SETD2: variants seen among roughly 807,000 people sequenced by gnomAD.
SETD2 encodes the protein histone-lysine N-methyltransferase SETD2.
Under a neutral mutation model 242.1 loss-of-function variants are expected in SETD2, and 31 were observed. That is an observed-to-expected ratio of 0.13 (90% CI 0.10 to 0.17). The LOEUF is 0.17. Ranked by LOEUF, SETD2 falls within the 10% of genes least tolerant of loss-of-function variation. The pLI is 1.00. For synonymous variants in SETD2, 1,006 were observed against 1,066.5 expected (o/e 0.94, Z 1.11); for missense variants, 2,481 against 3,046.3 (o/e 0.81, Z 4.37).
Position 47,106,129 on chromosome 3 carries a change from C to A in SETD2, c.4716-9G>T, listed in dbSNP as rs1462411936. Reference sequence around the variant, plus strand: ...CTAGGACAAAGGTGTTCCTGCAAACCAAAAGGAAAAAAATAGCACTTCCTA... The same window carrying A: ...CTAGGACAAAGGTGTTCCTGCAAACAAAAAGGAAAAAAATAGCACTTCCTA... On this transcript the variant is annotated splice_polypyrimidine_tract_variant and intron_variant, in intron 5 of 20. Coordinates refer to ENST00000409792, the MANE Select transcript of SETD2 (RefSeq NM_014159.7). 3 of 1,604,110 alleles carry A rather than the reference C, an allele frequency of 1.9e-6. No homozygotes were observed. Among genetic ancestry groups the A allele is most frequent in the South Asian group, 1.1e-5 (1 of 89,892 alleles).
chr3:47,147,917 C>CAAA (rs547475994), intron 1 of SETD2, among the ~76,000 whole-genome samples: 15 of 52,072 alleles, frequency 2.9e-4, no homozygotes, highest in Non-Finnish European at 4.4e-4. Flanking sequence ...GACTCTGTCT[C>CAAA]AAAAAAAAAA....
In SETD2 at chr3:47,121,506, T is replaced by A. The variant is rs1320811857; in HGVS notation, c.3130A>T (p.Ser1044Cys). 3.7e-6 allele frequency: 6 copies of A among 1,614,120 alleles called. No individual in the cohort carries two copies. The highest frequency in any genetic ancestry group is 5.1e-6 in the Non-Finnish European group (6 of 1,180,008). The change falls in exon 3 of 21, where the codon AGT becomes TGT. Residue 1044 changes from serine to cysteine, a missense_variant. Around this residue, in one of 17 missense-constraint regions of SETD2, gnomAD observed 1,300 missense variants for 1,259.2 expected, o/e 1.03. Coordinates refer to ENST00000409792, the MANE Select transcript of SETD2 (RefSeq NM_014159.7). The part of the protein sequence containing the change: ...VHEDYSGSSE[S>C]SNDESDSEDT... ...TCTGAATCACTTTCATCATTTGAAC[T>A]TTCAGAAGAGCCAGAATAATCTTCA...
rs959248245 is a variant in SETD2 at position 47,017,479 on chromosome 3, C to A, written c.7533+159G>T. 6.6e-6 allele frequency among the ~76,000 whole-genome samples: 1 copy of A among 152,016 alleles called. No individual in the cohort carries two copies. The highest frequency in any genetic ancestry group is 6.5e-5 in the Admixed American group (1 of 15,272). On this transcript the variant is annotated intron_variant, in intron 20 of 20. Coordinates refer to ENST00000409792, the MANE Select transcript of SETD2 (RefSeq NM_014159.7). The surrounding 1 kb of genome is among the most constrained non-coding windows in gnomAD (Gnocchi z 4.8). ...AGAACTACTGCTGTCATGTAAGGTA[C>A]GCATCCCTCCCCAAACCTTCCCTCC...
intron 17 of SETD2, among the ~76,000 whole-genome samples, chr3:47,039,809 G>A (rs1470007838): frequency 6.7e-6 from 1 of 148,364 alleles, no homozygotes; most frequent in Non-Finnish European, 1.5e-5. Flanking sequence ...CTTGAACCCT[G>A]GAGGCAGAGG....
At chr3:47,101,746 A>G (rs2042222269) in intron 7 of SETD2, among the ~76,000 whole-genome samples, 191 bp from the exon 8 acceptor site, 2 of 152,062 alleles carry the variant, frequency 1.3e-5, no homozygotes, top group African/African-American at 4.8e-5. Flanking sequence ...GAACTAAAAT[A>G]TTTAAGTGTA....
intron 1 of SETD2, among the ~76,000 whole-genome samples, chr3:47,162,189 G>A (rs989835968): frequency 2.0e-5 from 3 of 152,134 alleles, no homozygotes; most frequent in Non-Finnish European, 4.4e-5. Context: ...CCTGGTAAAA[G>A]GAAGTGAAAG....
At chr3:47,145,612 G>T in intron 1 of SETD2, 1 of 319,022 alleles carries the variant, frequency 3.1e-6, no homozygotes, top group Non-Finnish European at 6.6e-6. Context: ...TTCCCACTGT[G>T]GCATCATGTC....
intron 12 of SETD2, among the ~76,000 whole-genome samples, chr3:47,069,814 T>G (rs2040740210): frequency 6.6e-6 from 1 of 152,228 alleles, no homozygotes; most frequent in African/African-American, 2.4e-5. Context: ...TAGTTCTGTG[T>G]GTCTTACTCC....
At position 47,056,842 on chromosome 3, in the gene SETD2, C is replaced by T. The variant is rs762073578; in HGVS notation, c.6942G>A (p.Gln2314=). ...TTACCTGTACAATTGGTGGAGTTGTCTGTGAATAAGGTGATGTCACACCAT... is the reference window on the plus strand; with the variant it reads ...TTACCTGTACAATTGGTGGAGTTGTTTGTGAATAAGGTGATGTCACACCAT... ...TVYGVTSPYS[Q]TTPPIVQSYA... is the part of the protein sequence containing the mutation. The change falls in exon 15 of 21, where the codon CAG becomes CAA. Residue 2314 remains glutamine, a synonymous_variant. Transcript: ENST00000409792. 1 of 1,613,416 alleles carries T rather than the reference C, an allele frequency of 6.2e-7. No homozygotes were observed. Among genetic ancestry groups the T allele is most frequent in the Admixed American group, 1.7e-5 (1 of 60,006 alleles).
intron 12 of SETD2, among the ~76,000 whole-genome samples, chr3:47,079,179 TTA>T (rs1462344066): frequency 6.6e-6 from 1 of 152,162 alleles, no homozygotes; most frequent in African/African-American, 2.4e-5. Context: ...GAGCCTGAAA[TTA>T]TATCATAATT....
chr3:47,133,204 G>C (rs180790306), intron 1 of SETD2, among the ~76,000 whole-genome samples: 11 of 152,136 alleles, frequency 7.2e-5, no homozygotes, highest in African/African-American at 1.2e-4. Context: ...AAATCTCTGT[G>C]TTTTAAAAAA....
chr3:47,038,056 C>T (rs2039099455), intron 17 of SETD2, among the ~76,000 whole-genome samples: 1 of 152,176 alleles, frequency 6.6e-6, no homozygotes, highest in South Asian at 2.1e-4. Context: ...GTCTGTCTCT[C>T]ACCTGACTCT....
intron 5 of SETD2, among the ~76,000 whole-genome samples, chr3:47,113,340 C>T (rs2042731346): frequency 6.6e-6 from 1 of 152,084 alleles, no homozygotes; most frequent in Non-Finnish European, 1.5e-5. Flanking sequence ...TTTTATATAG[C>T]TTCATAGAGA....
At chr3:47,133,972 T>G (rs1443581201) in intron 1 of SETD2, among the ~76,000 whole-genome samples, 1 of 152,132 alleles carries the variant, frequency 6.6e-6, no homozygotes, top group Non-Finnish European at 1.5e-5. Context: ...TTTCATAATA[T>G]TGCTTTTAAC....
At chr3:47,154,671 A>G (rs1164188017) in intron 1 of SETD2, among the ~76,000 whole-genome samples, 1 of 152,146 alleles carries the variant, frequency 6.6e-6, no homozygotes, top group African/African-American at 2.4e-5. Context: ...CCCTTTTGCA[A>G]TAAGCATTTA....
chr3:47,056,785 C>A, intron 15 of SETD2, 36 bp downstream of exon 15: 2 of 1,560,600 alleles, frequency 1.3e-6, no homozygotes, highest in South Asian at 2.3e-5. Flanking sequence ...ATGAACAGAC[C>A]ATAAAGCAGA....
chr3:47,100,225 C>A (rs1314388614), intron 8 of SETD2, among the ~76,000 whole-genome samples: 1 of 151,654 alleles, frequency 6.6e-6, no homozygotes, highest in African/African-American at 2.4e-5. Flanking sequence ...CAGGCATGAG[C>A]CACCGCACCC....
chr3:47,143,825 C>T (rs1163819306), intron 1 of SETD2, among the ~76,000 whole-genome samples: 1 of 152,154 alleles, frequency 6.6e-6, no homozygotes, highest in African/African-American at 2.4e-5. Flanking sequence ...ATTCTCCTGC[C>T]TCAGCCTCCC....
intron 9 of SETD2, among the ~76,000 whole-genome samples, chr3:47,091,424 C>T (rs1309940089): frequency 2.0e-5 from 3 of 152,018 alleles, no homozygotes; most frequent in Non-Finnish European, 2.9e-5. Context: ...GCCAGGAGTT[C>T]GGGACCAGCC....
Sources: gnomAD v4.1 joint callset for allele counts (sites outside exome capture counted in the v4.1 genomes callset) on GRCh38, gnomAD v4.1.1 for gene constraint, gnomAD v4.1.1 regional missense constraint, Gnocchi (gnomAD v3.1) non-coding constraint, MANE v1.5 for transcripts, NCBI Gene and HGNC (gene_info 2026-07-23, HGNC 2026-07-21) for gene names.